Variants in AFDN observed in about 807,000 individuals in gnomAD.
AFDN encodes the protein afadin.
In AFDN, 68 loss-of-function variants were observed where a neutral mutation model predicts 216.6. That is an observed-to-expected ratio of 0.31 (90% CI 0.26 to 0.38). The LOEUF (loss-of-function observed/expected upper bound fraction) is 0.38. Ranked by LOEUF, AFDN falls within the 10% of genes least tolerant of loss-of-function variation. AFDN has a pLI of 1.00. For missense variants in AFDN, 2,136 were observed against 2,342.0 expected, an observed-to-expected ratio of 0.91 and a Z score of 1.82; for synonymous variants, 868 against 853.7, an observed-to-expected ratio of 1.02 and a Z score of -0.29.
chr6:167,909,974 G>A (rs1361167135), intron 13 of AFDN, among the ~76,000 whole-genome samples: 1 of 152,082 alleles, frequency 6.6e-6, no homozygotes, highest in Admixed American at 6.5e-5. Context: ...CTGGTTTTTG[G>A]TAAATATTGT....
At chr6:167,968,086 G>T (rs747403070) in intron 32 of AFDN, among the ~76,000 whole-genome samples, 22 of 152,118 alleles carry the variant, frequency 1.4e-4, no homozygotes, top group Non-Finnish European at 2.9e-4. Context: ...AAATTCAGAA[G>T]AATTAGTTTT....
chr6:167,888,111 A>T (rs555962137), intron 6 of AFDN, among the ~76,000 whole-genome samples: 1 of 152,202 alleles, frequency 6.6e-6, no homozygotes, highest in Non-Finnish European at 1.5e-5. Context: ...TTTGATAAAG[A>T]TTGAGACTAA....
At chr6:167,839,955 A>G (rs1181442258) in intron 1 of AFDN, among the ~76,000 whole-genome samples, 2 of 152,168 alleles carry the variant, frequency 1.3e-5, no homozygotes, top group Non-Finnish European at 2.9e-5. Context: ...TTGTGTGTAC[A>G]CACTGTACTA....
Position 167,951,522 on chromosome 6 carries a change from T to A in AFDN, c.4168T>A (p.Ser1390Thr). ...VHYAGDFDGM[S>T]MDLPLPPPPS... ...CTATGCCGGTGATTTCGATGGAATG[T>A]CCATGGATTTGCCTCTCCCACCACC... Residue 1390 changes from serine (S) to threonine (T), a missense_variant, in exon 30 of 34, where the codon TCC becomes ACC. Transcript: ENST00000683244. The surrounding 1 kb of genome is among the most constrained non-coding windows in gnomAD (Gnocchi z 7.1). 1 of 1,613,890 alleles carries A rather than the reference T, an allele frequency of 6.2e-7. No homozygotes were observed.
chr6:167,868,547 A>G (rs974018849), intron 2 of AFDN, among the ~76,000 whole-genome samples: 1 of 152,102 alleles, frequency 6.6e-6, no homozygotes, highest in Non-Finnish European at 1.5e-5. Context: ...TTGGGGTGTG[A>G]TTATGAAGAG....
Position 167,925,085 on chromosome 6 carries a change from A to G in AFDN, c.3093A>G (p.Ala1031=). 2.5e-6 allele frequency: 4 copies of G among 1,611,414 alleles called. No individual in the cohort carries two copies. Among genetic ancestry groups the G allele is most frequent in the East Asian group, 2.2e-5 (1 of 44,848 alleles). The change falls in exon 23 of 34, where the codon GCA becomes GCG. Residue 1031 remains alanine (A), a synonymous_variant. Transcript: ENST00000683244. ...ATGGAATGGGCCTTAGCATTGTTGC[A>G]GCAAAGGTAGGCCAATTAGTCACGT... ...KQNGMGLSIV[A]AKGAGQDKLG...
chr6:167,893,817 C>T (rs2128356458), intron 8 of AFDN, 45 bp from the exon 9 acceptor site: 3 of 1,486,328 alleles, frequency 2.0e-6, no homozygotes, highest in Non-Finnish European at 2.8e-6. Context: ...CTCTCTCCTG[C>T]TGATGCTGCC....
chr6:167,947,373 G>A (rs1431069616), intron 27 of AFDN, among the ~76,000 whole-genome samples: 1 of 152,032 alleles, frequency 6.6e-6, no homozygotes, highest in Non-Finnish European at 1.5e-5. Flanking sequence ...TAGAGACGGG[G>A]TTTCACCATG....
chr6:167,904,502 A>G (rs926428069), intron 12 of AFDN, among the ~76,000 whole-genome samples: 2 of 152,096 alleles, frequency 1.3e-5, no homozygotes, highest in African/African-American at 4.8e-5. Context: ...AAGCCACTGC[A>G]CCCAGCCCCG....
At chr6:167,855,037 G>GA (rs2128192811) in intron 1 of AFDN, among the ~76,000 whole-genome samples, 1 of 151,734 alleles carries the variant, frequency 6.6e-6, no homozygotes, top group East Asian at 1.9e-4. Context: ...ATTCTGTTTT[G>GA]AAAAACAAAC....
intron 32 of AFDN, among the ~76,000 whole-genome samples, chr6:167,967,522 A>G (rs1468967095): frequency 1.3e-5 from 2 of 152,208 alleles, no homozygotes; most frequent in Non-Finnish European, 1.5e-5. Flanking sequence ...TTGAAGCAGG[A>G]TGCCATCAGT....
intron 1 of AFDN, among the ~76,000 whole-genome samples, chr6:167,836,237 C>G (rs1247309918): frequency 1.3e-5 from 2 of 152,188 alleles, no homozygotes; most frequent in Non-Finnish European, 2.9e-5. Flanking sequence ...TCTTGTAGTT[C>G]AGGGAGCAGT....
At position 167,966,423 on chromosome 6, in the gene AFDN, C is replaced by T. The variant is rs910642447; in HGVS notation, c.5257+378C>T. The T allele has an allele frequency of 2.1e-5, 12 of 570,882 alleles. No homozygotes were observed. The Admixed American group carries it at 2.9e-4, about 14-fold the overall frequency. 35.4% of individuals were successfully genotyped at this position (570,882 alleles called of 1,614,324 possible). A position where few individuals can be genotyped will look rare whatever the true frequency, so the allele number is the denominator to read the frequency against. ...TGATCACTGGTCTCGGCATGGTGAT[C>T]CTCCTCTGCCTCTGATTGTGATGTT... is the stretch of plus-strand genomic sequence containing the variant. On this transcript the variant is annotated intron_variant, in intron 32 of 33. Transcript: ENST00000683244.
chr6:167,911,375 A>G lies in AFDN; in HGVS notation c.1923A>G (p.Ala641=). ...KLSPTYVLYM[A]CRYVLSNQYR... is the part of the protein sequence containing the mutation. ...CCCCTACATATGTATTATATATGGCATGCCGGTATGTATTGTCCAACCAGT... is the reference window on the plus strand; with the variant it reads ...CCCCTACATATGTATTATATATGGCGTGCCGGTATGTATTGTCCAACCAGT... The change falls in exon 15 of 34, where the codon GCA becomes GCG. Residue 641 remains alanine (A), a synonymous_variant. Transcript: ENST00000683244. The G allele has an allele frequency of 1.2e-6, 2 of 1,613,950 alleles. No homozygotes were observed. The highest frequency in any genetic ancestry group is 1.7e-6 in the Non-Finnish European group (2 of 1,179,816).
chr6:167,863,638 G>A (rs940892521), intron 1 of AFDN: 2 of 371,602 alleles, frequency 5.4e-6, no homozygotes, highest in African/African-American at 4.1e-5. Flanking sequence ...CTAGGAGTTA[G>A]AAATATTCTC....
In AFDN at chr6:167,911,952, G is replaced by A. The variant is rs563842535; in HGVS notation, c.2037+463G>A. The A allele has an allele frequency of 1.0e-3, 183 of 176,910 alleles. 2 individuals are homozygous for A. Among genetic ancestry groups the A allele is most frequent in the African/African-American group, 4.3e-3 (181 of 42,008 alleles). The allele number at this position is 176,910 out of a possible 1,614,324, so 11.0% of individuals were successfully genotyped here. A position where few individuals can be genotyped will look rare whatever the true frequency, so the allele number is the denominator to read the frequency against. On this transcript the variant is annotated intron_variant, in intron 15 of 33. Transcript: ENST00000683244. ...GTTCCTGGGGTTTTTCTCTTCCCCC[G>A]TTCCCTGGTAACGCCTTCTTAGACT...
In AFDN at chr6:167,911,245, T is replaced by C. The variant is rs750277708; in HGVS notation, c.1832-39T>C. ...CTGATTTTCACATTCGTTTTTATTC[T>C]TTTTTCCTTTTTTCTTTGTTTTTGA... On this transcript the variant is annotated intron_variant, in intron 14 of 33. Transcript: ENST00000683244. 5 of 1,604,352 alleles carry C rather than the reference T, an allele frequency of 3.1e-6. No individual in the cohort carries two copies. In the South Asian group the frequency reaches 5.5e-5, roughly 18 times the overall value.
At position 167,969,215 on chromosome 6, in the gene AFDN, T is replaced by C. The variant is rs1392311075; in HGVS notation, c.5342+17T>C. 1.3e-6 allele frequency: 2 copies of C among 1,599,624 alleles called. No individual in the cohort carries two copies. Among genetic ancestry groups the C allele is most frequent in the Non-Finnish European group, 1.7e-6 (2 of 1,166,884 alleles). ...CTCTAAAAGGTATGGACGGTTGCAC[T>C]AGACGAGGAACTTCATCTGTACCTG... On this transcript the variant is annotated intron_variant, in intron 33 of 33. Coordinates refer to ENST00000683244, the MANE Select transcript of AFDN (RefSeq NM_001386888.1).
chr6:167,832,074 G>A (rs1779887967), intron 1 of AFDN, among the ~76,000 whole-genome samples: 1 of 152,172 alleles, frequency 6.6e-6, no homozygotes. Flanking sequence ...TGCTATTTCT[G>A]TTAGTTTTCT....
Sources: allele counts gnomAD v4.1 joint callset (sites outside exome capture counted in the v4.1 genomes callset), GRCh38; gene constraint gnomAD v4.1.1; non-coding constraint Gnocchi (gnomAD v3.1); transcripts MANE v1.5; gene names NCBI Gene and HGNC (gene_info 2026-07-23, HGNC 2026-07-21).